Variants in PAAF1 observed in about 807,000 individuals in gnomAD.
PAAF1 encodes proteasomal ATPase associated factor 1.
A neutral mutation model predicts 52.8 loss-of-function variants in PAAF1; 46 were observed. The ratio of observed to expected loss-of-function variants is 0.87; its 90% CI spans 0.69 to 1.11. The LOEUF is 1.11. PAAF1 is among the 50% of genes most tolerant of loss of function. PAAF1 has a pLI of 0.00. For missense variants in PAAF1, 424 were observed against 477.4 expected (o/e 0.89, Z 1.04); for synonymous variants, 178 against 172.8 (o/e 1.03, Z -0.24).
chr11:73,924,528 A>G, intron 10 of PAAF1, 87 bp from the exon 11 acceptor site: 1 of 1,084,086 alleles, frequency 9.2e-7, no homozygotes, highest in South Asian at 1.3e-5. Flanking sequence ...TACACTAGTG[A>G]TCTACAGAAG....
intron 8 of PAAF1, 65 bp from the exon 9 acceptor site, chr11:73,916,480 T>C (rs1950066564): frequency 9.6e-7 from 1 of 1,038,250 alleles, no homozygotes; most frequent in South Asian, 1.7e-5. Context: ...CCTTTTTTGG[T>C]GCCTGTTTAT....
rs1443652246 is a variant in PAAF1 at position 73,930,359 on chromosome 11, G to A, written c.*2997G>A. 6.6e-6 allele frequency: 1 copy of A among 151,852 alleles called. No homozygotes were observed. The highest frequency in any genetic ancestry group is 1.5e-5 in the Non-Finnish European group (1 of 68,078). The allele number at this position is 151,852 out of a possible 1,614,324, so 9.4% of individuals were successfully genotyped here. On this transcript the variant is annotated 3_prime_UTR_variant, in exon 12 of 12. Transcript: ENST00000310571. Reference sequence around the variant, plus strand: ...CACTCCAGCCTGGGCGACAGAGCGAGGCTCTATCTCAAGAAAAAAAAAAAG... The same window carrying A: ...CACTCCAGCCTGGGCGACAGAGCGAAGCTCTATCTCAAGAAAAAAAAAAAG...
intron 2 of PAAF1, among the ~76,000 whole-genome samples, chr11:73,883,881 A>G (rs1229093964): frequency 6.6e-6 from 1 of 152,080 alleles, no homozygotes; most frequent in Non-Finnish European, 1.5e-5. Context: ...TGTTGTATGG[A>G]TATACTACAT....
At chr11:73,925,700 T>C (rs993948897) in intron 11 of PAAF1, among the ~76,000 whole-genome samples, 2 of 152,208 alleles carry the variant, frequency 1.3e-5, no homozygotes, top group Non-Finnish European at 1.5e-5. Flanking sequence ...GACACTGTGC[T>C]GAACGTTTTA....
intron 4 of PAAF1, among the ~76,000 whole-genome samples, chr11:73,895,374 C>T (rs954774072): frequency 2.2e-4 from 34 of 152,172 alleles, no homozygotes; most frequent in African/African-American, 8.0e-4. Flanking sequence ...CACTGCCTAC[C>T]AGCAAGCAAT....
At chr11:73,897,147 C>T (rs936328456) in intron 4 of PAAF1, among the ~76,000 whole-genome samples, 8 of 144,286 alleles carry the variant, frequency 5.5e-5, no homozygotes, top group Non-Finnish European at 9.2e-5. Context: ...AGAGGCGCCC[C>T]TCACCTCCCG....
intron 10 of PAAF1, among the ~76,000 whole-genome samples, chr11:73,920,809 G>A (rs1031816648): frequency 7.4e-5 from 11 of 147,804 alleles, no homozygotes; most frequent in Admixed American, 4.8e-4. Context: ...CTGAGAGCAC[G>A]CCACTGCACT....
intron 1 of PAAF1, 35 bp downstream of exon 1, chr11:73,877,103 G>A: frequency 6.7e-7 from 1 of 1,499,912 alleles, no homozygotes; most frequent in Non-Finnish European, 8.9e-7. Flanking sequence ...CAGAGGAGGC[G>A]GGTAGTGGAT....
At chr11:73,902,458 C>T (rs1949648977) in intron 6 of PAAF1, among the ~76,000 whole-genome samples, 1 of 152,154 alleles carries the variant, frequency 6.6e-6, no homozygotes, top group African/African-American at 2.4e-5. Flanking sequence ...TCTGGCCATC[C>T]CTCTGAAGGT....
intron 6 of PAAF1, among the ~76,000 whole-genome samples, chr11:73,906,391 T>C (rs1299549919): frequency 6.6e-6 from 1 of 152,164 alleles, no homozygotes; most frequent in Non-Finnish European, 1.5e-5. Context: ...TAGCTGGGAT[T>C]ACAGGCACCT....
chr11:73,883,304 GCTAT>G (rs1206541298), intron 2 of PAAF1, among the ~76,000 whole-genome samples: 4 of 152,078 alleles, frequency 2.6e-5, no homozygotes, highest in African/African-American at 9.7e-5. Flanking sequence ...AAAAATGTGT[GCTAT>G]CTATGTGCTA....
At chr11:73,880,474 G>T (rs1262957409) in intron 2 of PAAF1, 1 of 143,266 alleles carries the variant, frequency 7.0e-6, no homozygotes, top group Admixed American at 7.1e-5. Flanking sequence ...GCAAAACCCT[G>T]TCTCAGTTAA....
intron 4 of PAAF1, 150 bp from the exon 5 acceptor site, chr11:73,898,996 A>C: frequency 1.7e-6 from 1 of 577,698 alleles, no homozygotes; most frequent in Non-Finnish European, 3.0e-6. Flanking sequence ...ATGATAACTC[A>C]ACCTTTACAT....
chr11:73,908,148 T>C (rs1949810181), intron 6 of PAAF1, among the ~76,000 whole-genome samples: 1 of 151,898 alleles, frequency 6.6e-6, no homozygotes, highest in Non-Finnish European at 1.5e-5. Flanking sequence ...GTCATGTCCT[T>C]TTTTCAAATG....
chr11:73,900,845 A>G (rs1225595364), intron 6 of PAAF1, among the ~76,000 whole-genome samples: 2 of 150,954 alleles, frequency 1.3e-5, no homozygotes, highest in Non-Finnish European at 3.0e-5. Flanking sequence ...AGCCGGGCGT[A>G]GTGGCGGGCG....
chr11:73,908,283 ATGTATATATATG>A (rs1949818206), intron 6 of PAAF1, among the ~76,000 whole-genome samples: 2 of 146,494 alleles, frequency 1.4e-5, no homozygotes, highest in African/African-American at 5.0e-5. Flanking sequence ...ATGTGTATAT[ATGTATATATATG>A]TGTGTATATA....
chr11:73,888,335 G>A (rs1949115512), intron 3 of PAAF1, among the ~76,000 whole-genome samples: 1 of 152,150 alleles, frequency 6.6e-6, no homozygotes, highest in African/African-American at 2.4e-5. Flanking sequence ...CTACTACACT[G>A]AACAATGTAG....
intron 1 of PAAF1, 164 bp downstream of exon 1, chr11:73,877,232 G>T: frequency 1.5e-6 from 1 of 651,622 alleles, no homozygotes. Context: ...AACCCGTATG[G>T]TCATTCTCTG....
At chr11:73,896,865 T>C (rs1949386752) in intron 4 of PAAF1, among the ~76,000 whole-genome samples, 2 of 150,254 alleles carry the variant, frequency 1.3e-5, no homozygotes, top group South Asian at 2.1e-4. Flanking sequence ...CACTTCCCAG[T>C]AGGCGCGGCC....
Sources: gnomAD v4.1 joint callset for allele counts (sites outside exome capture counted in the v4.1 genomes callset) on GRCh38, gnomAD v4.1.1 for gene constraint, MANE v1.5 for transcripts, NCBI Gene and HGNC (gene_info 2026-07-23, HGNC 2026-07-21) for gene names.